The following PHF8 variants were observed in gnomAD, a reference collection of about 807,000 sequenced individuals.
The protein encoded by PHF8 is histone lysine demethylase PHF8.
In PHF8, 9 loss-of-function variants were observed where a neutral mutation model predicts 74.4. That is an observed-to-expected ratio of 0.12 (90% CI 0.07 to 0.21). The LOEUF (loss-of-function observed/expected upper bound fraction) is 0.21. Ranked by LOEUF, PHF8 falls within the 10% of genes least tolerant of loss-of-function variation. The pLI, the probability that PHF8 is intolerant of heterozygous loss-of-function variation, is 1.00. For synonymous variants in PHF8, 311 were observed against 316.6 expected, an observed-to-expected ratio of 0.98 and a Z score of 0.19; for missense variants, 478 against 816.6, an observed-to-expected ratio of 0.59 and a Z score of 5.05.
chrX:54,000,265 A>G (rs1408227411), intron 10 of PHF8, among the ~76,000 whole-genome samples: 1 of 112,232 alleles, frequency 8.9e-6, no homozygotes, highest in Non-Finnish European at 1.9e-5. Flanking sequence ...CAAGTGCTAG[A>G]GCCATGACTA....
chrX:53,997,947 A>G (rs1190215534), intron 11 of PHF8, among the ~76,000 whole-genome samples: 2 of 112,011 alleles, frequency 1.8e-5, no homozygotes, highest in Non-Finnish European at 3.8e-5. Context: ...AGGAGATTGT[A>G]CAAGTTAAGC....
intron 8 of PHF8, among the ~76,000 whole-genome samples, chrX:54,005,567 A>G (rs782555490): frequency 2.7e-5 from 3 of 109,226 alleles, no homozygotes; most frequent in Non-Finnish European, 5.7e-5. Context: ...CAGCATTATA[A>G]ACCCAAAGAA....
chrX:54,011,920 C>A (rs1013643528), intron 7 of PHF8, among the ~76,000 whole-genome samples: 2 of 104,673 alleles, frequency 1.9e-5, no homozygotes, highest in Non-Finnish European at 3.9e-5. Flanking sequence ...TATATTCTCA[C>A]AGCATGATTG....
intron 18 of PHF8, among the ~76,000 whole-genome samples, chrX:53,966,442 C>T (rs949622319): frequency 4.4e-5 from 5 of 112,895 alleles, no homozygotes; most frequent in Non-Finnish European, 5.6e-5. Context: ...CTGTGTTGGC[C>T]GGGCTGGCCT....
upstream of PHF8, chrX:54,045,289 G>T (rs1024648573): frequency 6.7e-6 from 1 of 149,879 alleles, no homozygotes; most frequent in African/African-American, 3.1e-5. Context: ...GTGGAGCTTC[G>T]TACATATGCT....
At chrX:54,035,639 C>T (rs1345714420) in intron 2 of PHF8, among the ~76,000 whole-genome samples, 1 of 109,900 alleles carries the variant, frequency 9.1e-6, no homozygotes, top group Non-Finnish European at 1.9e-5. Flanking sequence ...CCTCCCCACA[C>T]AAAAAATTTT....
chrX:54,042,390 A>C (rs1040795868), intron 2 of PHF8, among the ~76,000 whole-genome samples: 20 of 108,593 alleles, frequency 1.8e-4, no homozygotes, highest in African/African-American at 6.3e-4. Flanking sequence ...GGGGTCTTAT[A>C]AATCTAAAAA....
intron 3 of PHF8, 87 bp downstream of exon 3, chrX:54,022,671 C>A (rs1169635342): frequency 5.0e-6 from 3 of 598,559 alleles, no homozygotes; most frequent in Non-Finnish European, 8.4e-6. Context: ...CACAAGTGCT[C>A]AGGCAAAAGC....
chrX:53,978,193 G>A (rs1452631987), intron 18 of PHF8, among the ~76,000 whole-genome samples: 1 of 106,522 alleles, frequency 9.4e-6, no homozygotes, highest in Non-Finnish European at 1.9e-5. Flanking sequence ...TGATGTGCCC[G>A]CCTTGGCCTC....
chrX:54,002,327 G>A, intron 9 of PHF8, 66 bp from the exon 10 acceptor site: 2 of 695,799 alleles, frequency 2.9e-6, no homozygotes, highest in Admixed American at 2.4e-5. Context: ...TATGAATCAG[G>A]TTTTGTTCTG....
rs1417337932 is a variant in PHF8 at position 53,965,062 on chromosome X, T to C, written c.2444-2123A>G. 2.7e-5 allele frequency among the ~76,000 whole-genome samples: 3 copies of C among 110,994 alleles called. No homozygotes were observed. In the Admixed American group the frequency reaches 2.9e-4, roughly 11 times the overall value. ...CTTTAAAATGATTAAGATGGTAAATTTGTCAAGTCTAACGGAGCTTAAAGG... is the reference window on the plus strand; with the variant it reads ...CTTTAAAATGATTAAGATGGTAAATCTGTCAAGTCTAACGGAGCTTAAAGG... On this transcript the variant is annotated intron_variant, in intron 18 of 21. Transcript: ENST00000338154.
At chrX:53,946,966 T>C (rs2064841372) in intron 19 of PHF8, among the ~76,000 whole-genome samples, 1 of 112,136 alleles carries the variant, frequency 8.9e-6, no homozygotes, top group African/African-American at 3.2e-5. Flanking sequence ...TATTAATAAC[T>C]GTTCATTCTC....
intron 4 of PHF8, among the ~76,000 whole-genome samples, chrX:54,020,631 G>A (rs1445489128): frequency 1.2e-4 from 13 of 111,858 alleles, no homozygotes; most frequent in Middle Eastern, 4.2e-3. Context: ...TACAAATAAC[G>A]GGTTGACTTT....
chrX:53,962,675 G>T (rs1057491779), intron 19 of PHF8, among the ~76,000 whole-genome samples, 169 bp downstream of exon 19: 6 of 111,210 alleles, frequency 5.4e-5, no homozygotes, highest in Non-Finnish European at 1.1e-4. Context: ...AGTCATTTTA[G>T]CTCCAGAACC....
At chrX:54,037,352 A>G in intron 2 of PHF8, among the ~76,000 whole-genome samples, 1 of 111,354 alleles carries the variant, frequency 9.0e-6, no homozygotes, top group Non-Finnish European at 1.9e-5. Flanking sequence ...GGCTCAAGCA[A>G]TCCTCCCACC....
At chrX:54,022,565 A>C (rs1257802444) in intron 3 of PHF8, among the ~76,000 whole-genome samples, 193 bp downstream of exon 3, 1 of 111,592 alleles carries the variant, frequency 9.0e-6, no homozygotes, top group Admixed American at 9.6e-5. Flanking sequence ...TTAGGAAGGG[A>C]GGGAGGTGAA....
rs782801498 is a variant in PHF8, at chrX:53,974,082, A to AC, written c.2443+10831dup. ...AGACCATCCTGGCTAACATGGTGAA[A>AC]CCCAGTCTCTACTAAAAATACAAAA... On this transcript the variant is annotated intron_variant, in intron 18 of 21. Transcript: ENST00000338154. 1.1e-3 allele frequency among the ~76,000 whole-genome samples: 127 copies of AC among 110,565 alleles called. 1 individual carries two copies. The highest frequency in any genetic ancestry group is 3.8e-3 in the African/African-American group (117 of 30,488).
At chrX:53,967,238 C>T (rs1345861867) in intron 18 of PHF8, among the ~76,000 whole-genome samples, 5 of 100,419 alleles carry the variant, frequency 5.0e-5, no homozygotes, top group Admixed American at 1.0e-4. Flanking sequence ...CCCCTCTGCC[C>T]GGCCAGCCGC....
At chrX:54,046,810 G>A (rs2066637112), upstream of PHF8, among the ~76,000 whole-genome samples, 1 of 110,634 alleles carries the variant, frequency 9.0e-6, no homozygotes, top group Admixed American at 9.7e-5. Flanking sequence ...GACCAGGCTG[G>A]GCAACATAGT....
Sources: gnomAD v4.1 joint callset for allele counts (sites outside exome capture counted in the v4.1 genomes callset) on GRCh38, gnomAD v4.1.1 for gene constraint, MANE v1.5 for transcripts, NCBI Gene and HGNC (gene_info 2026-07-23, HGNC 2026-07-21) for gene names.